PACRGL: variants seen among roughly 807,000 people sequenced by gnomAD.
The protein encoded by PACRGL is parkin coregulated like, also known as PACRG-like protein.
In PACRGL, 38 loss-of-function variants were observed where a neutral mutation model predicts 34.5. That is an observed-to-expected ratio of 1.10 (90% CI 0.85 to 1.44). PACRGL has a LOEUF of 1.44. Ranked by LOEUF, PACRGL falls within the 40% of genes most tolerant of loss-of-function variation. The probability of loss-of-function intolerance (pLI) is 0.00; values close to 1 mark genes in which losing one functional copy is unlikely to be tolerated. For synonymous variants in PACRGL, 128 were observed against 100.1 expected (o/e 1.28, Z -1.66); for missense variants, 305 against 281.4 (o/e 1.08, Z -0.60).
Position 20,726,414 on chromosome 4 carries a change from C to G in PACRGL, c.691-871C>G, listed in dbSNP as rs189396634. On this transcript the variant is annotated intron_variant, in intron 8 of 8. Transcript: ENST00000503585. ...TCCTCTTGTTTCCTCCTTCTTATAT[C>G]CTACATAATATTTTAATAATGATTG... 2.0e-4 allele frequency among the ~76,000 whole-genome samples: 30 copies of G among 152,062 alleles called. No individual in the cohort carries two copies. The East Asian group carries it at 5.8e-3, about 29-fold the overall frequency.
intron 7 of PACRGL, among the ~76,000 whole-genome samples, chr4:20,714,189 G>A (rs1738663308): frequency 6.6e-6 from 1 of 152,066 alleles, no homozygotes; most frequent in Non-Finnish European, 1.5e-5. Flanking sequence ...CTCCTGTATT[G>A]GGTGCATATA....
chr4:20,719,492 C>G (rs1247245616), intron 7 of PACRGL, among the ~76,000 whole-genome samples: 1 of 152,180 alleles, frequency 6.6e-6, no homozygotes, highest in Admixed American at 6.5e-5. Context: ...CCTCTACACA[C>G]TGCTTTAAAT....
At chr4:20,718,310 A>G in intron 7 of PACRGL, among the ~76,000 whole-genome samples, 1 of 152,182 alleles carries the variant, frequency 6.6e-6, no homozygotes, top group Middle Eastern at 3.2e-3. Flanking sequence ...TTCGTAATTG[A>G]ATACCCTTTA....
At chr4:20,747,855 A>G (rs1468413609) in intron 8 of PACRGL, among the ~76,000 whole-genome samples, 3 of 151,458 alleles carry the variant, frequency 2.0e-5, no homozygotes, top group African/African-American at 7.3e-5. Context: ...GCTGCACCCT[A>G]TTTTTTTCAT....
In PACRGL at chr4:20,727,276, T is replaced by A. The variant is rs1746177382; in HGVS notation, c.691-9T>A. 4.4e-6 allele frequency: 7 copies of A among 1,606,638 alleles called. No homozygotes were observed. The highest frequency in any genetic ancestry group is 6.0e-6 in the Non-Finnish European group (7 of 1,173,414). ...ATACTAATGATGCTCAATTTTTTTC[T>A]GTTGACAGGGGAGCCTTAGCATCAT... On this transcript the variant is annotated splice_polypyrimidine_tract_variant and intron_variant, in intron 8 of 8. Transcript: ENST00000503585.
chr4:20,765,464 G>T, the PACRGL span, among the ~76,000 whole-genome samples: 1 of 152,168 alleles, frequency 6.6e-6, no homozygotes, highest in African/African-American at 2.4e-5. Flanking sequence ...GTGCATTGTA[G>T]CTTGAGAGAT....
At chr4:20,715,524 A>G (rs765865718) in intron 7 of PACRGL, among the ~76,000 whole-genome samples, 2 of 151,876 alleles carry the variant, frequency 1.3e-5, no homozygotes, top group African/African-American at 4.8e-5. Flanking sequence ...CAGTATTACT[A>G]TTTTTTTTAA....
chr4:20,729,842 A>ATTCACAGAGTATGAAATGAGTTAG lies in PACRGL; in HGVS notation c.*2502_*2525dup. 2.6e-6 allele frequency: 1 copy of ATTCACAGAGTATGAAATGAGTTAG among 390,076 alleles called. No homozygotes were observed. The highest frequency in any genetic ancestry group is 4.3e-5 in the Admixed American group (1 of 23,160). The allele number at this position is 390,076 out of a possible 1,614,324, so 24.2% of individuals were successfully genotyped here. On this transcript the variant is annotated 3_prime_UTR_variant, in exon 9 of 9. Coordinates refer to ENST00000503585, the MANE Select transcript of PACRGL (RefSeq NM_001258345.3). ...ATGCCAGATTCTATTACTTTTGAAT[A>ATTCACAGAGTATGAAATGAGTTAG]TTCACAGAGTATGAAATGAGTTAGA... is the stretch of plus-strand genomic sequence containing the variant.
Position 20,729,096 on chromosome 4 carries a change from G to A in PACRGL, c.*1755G>A, listed in dbSNP as rs1747013117. 6.6e-6 allele frequency: 1 copy of A among 152,404 alleles called. No homozygotes were observed. Among genetic ancestry groups the A allele is most frequent in the Non-Finnish European group, 1.5e-5 (1 of 67,998 alleles). The allele number at this position is 152,404 out of a possible 1,614,324, so 9.4% of individuals were successfully genotyped here. A position where few individuals can be genotyped will look rare whatever the true frequency, so the allele number is the denominator to read the frequency against. On this transcript the variant is annotated 3_prime_UTR_variant, in exon 9 of 9. Transcript: ENST00000503585. ...TGCTGTTTGTTCTTAGTAGACAGTG[G>A]GGTAGTCAAGGTTTCTTTCTTTGTC...
chr4:20,748,280 C>T (rs1040982050), intron 8 of PACRGL, among the ~76,000 whole-genome samples: 1 of 152,020 alleles, frequency 6.6e-6, no homozygotes, highest in African/African-American at 2.4e-5. Context: ...TCCCTTGGTT[C>T]CCAGGCCTGA....
intron 7 of PACRGL, among the ~76,000 whole-genome samples, chr4:20,713,938 T>A (rs1738545515): frequency 2.0e-5 from 3 of 152,196 alleles, no homozygotes; most frequent in Non-Finnish European, 4.4e-5. Context: ...AATTTTGGGA[T>A]AGGTGTGGTG....
upstream of PACRGL, among the ~76,000 whole-genome samples, chr4:20,700,206 G>A (rs1731578188): frequency 1.3e-5 from 2 of 152,196 alleles, no homozygotes; most frequent in Non-Finnish European, 1.5e-5. Flanking sequence ...GCAGGCGACT[G>A]GGAACCCGTC....
intron 1 of PACRGL, chr4:20,701,744 C>T (rs1578087013): frequency 2.5e-6 from 1 of 407,230 alleles, no homozygotes; most frequent in Non-Finnish European, 5.0e-6. Context: ...CCAGGACTCC[C>T]TCCCTCCCCC....
intron 1 of PACRGL, among the ~76,000 whole-genome samples, chr4:20,701,274 C>T (rs1312718558): frequency 6.6e-6 from 1 of 152,074 alleles, no homozygotes; most frequent in Non-Finnish European, 1.5e-5. Context: ...CACTTTCCTA[C>T]CATTGACACA....
In PACRGL at chr4:20,705,411, G is replaced by A. The variant is rs1471922905; in HGVS notation, c.207+597G>A. 2.0e-5 allele frequency among the ~76,000 whole-genome samples: 3 copies of A among 152,176 alleles called. No homozygotes were observed. The East Asian group carries it at 5.8e-4, about 29-fold the overall frequency. ...TTCGAAGGGGATTGTGAGGGTGGCTGAAGCTCCTGACTGACTGTGGTGGTA... is the reference window on the plus strand; with the variant it reads ...TTCGAAGGGGATTGTGAGGGTGGCTAAAGCTCCTGACTGACTGTGGTGGTA... On this transcript the variant is annotated intron_variant, in intron 3 of 8. Coordinates refer to ENST00000503585, the MANE Select transcript of PACRGL (RefSeq NM_001258345.3).
Position 20,724,807 on chromosome 4 carries a change from G to A in PACRGL, c.610-1G>A. 6.8e-7 allele frequency: 1 copy of A among 1,470,462 alleles called. No homozygotes were observed. The highest frequency in any genetic ancestry group is 8.9e-7 in the Non-Finnish European group (1 of 1,117,698). 91.1% of individuals were successfully genotyped at this position (1,470,462 alleles called of 1,614,324 possible). A position where few individuals can be genotyped will look rare whatever the true frequency, so the allele number is the denominator to read the frequency against. ...GTTTCCCCCTAATCTTACTTTAAAA[G>A]CTTTCCAAGAGATTAATGGACAAGA... On this transcript the variant is annotated splice_acceptor_variant, in intron 7 of 8. Transcript: ENST00000503585. LOFTEE classifies it high-confidence loss of function.
Position 20,729,953 on chromosome 4 carries a change from A to T in PACRGL, c.*2612A>T, listed in dbSNP as rs1747548191. ...TCTTTTGGGGATTGCTTTATATTAA[A>T]ACAAAGCTTGTTTGCATAATATGCT... On this transcript the variant is annotated 3_prime_UTR_variant, in exon 9 of 9. Coordinates refer to ENST00000503585, the MANE Select transcript of PACRGL (RefSeq NM_001258345.3). The T allele has an allele frequency of 8.9e-7, 1 of 1,127,490 alleles. No individual in the cohort carries two copies. Among genetic ancestry groups the T allele is most frequent in the African/African-American group, 1.6e-5 (1 of 62,774 alleles). The allele number at this position is 1,127,490 out of a possible 1,614,324, so 69.8% of individuals were successfully genotyped here.
chr4:20,751,669 CA>C (rs1753663180), intron 8 of PACRGL, among the ~76,000 whole-genome samples: 1 of 152,008 alleles, frequency 6.6e-6, no homozygotes, highest in Admixed American at 6.6e-5. Context: ...TGGCTCAAAA[CA>C]ACGATGTTTG....
At chr4:20,748,878 G>A (rs988217349) in intron 8 of PACRGL, among the ~76,000 whole-genome samples, 2 of 100,748 alleles carry the variant, frequency 2.0e-5, no homozygotes, top group South Asian at 3.2e-4. Context: ...ACGTGTGTGT[G>A]TGTATGTGTG....
Sources: gnomAD v4.1 joint callset for allele counts (sites outside exome capture counted in the v4.1 genomes callset) on GRCh38, gnomAD v4.1.1 for gene constraint, MANE v1.5 for transcripts, NCBI Gene and HGNC (gene_info 2026-07-23, HGNC 2026-07-21) for gene names.